BCAS3: variants seen among roughly 807,000 people sequenced by gnomAD.
The protein encoded by BCAS3 is BCAS4/BCAS3 fusion.
Under a neutral mutation model 116.1 loss-of-function variants are expected in BCAS3, and 53 were observed. That is an observed-to-expected ratio of 0.46 (90% CI 0.37 to 0.57). The LOEUF (loss-of-function observed/expected upper bound fraction) is 0.57, where lower values mean the gene tolerates loss of function less well. BCAS3 is among the 20% of genes least tolerant of loss of function. The pLI, the probability that BCAS3 is intolerant of heterozygous loss-of-function variation, is 0.00. For synonymous variants in BCAS3, 391 were observed against 408.2 expected (o/e 0.96, Z 0.51); for missense variants, 917 against 1,165.4 (o/e 0.79, Z 3.10).
chr17:60,767,575 C>T (rs9899389), intron 6 of BCAS3, among the ~76,000 whole-genome samples: 40,070 of 151,656 alleles, frequency 0.26, 11,164 homozygotes, highest in African/African-American at 0.71. Flanking sequence ...TCAAACTCCT[C>T]ACCTCAAGTG....
intron 13 of BCAS3, among the ~76,000 whole-genome samples, chr17:60,937,693 T>A (rs2060007007): frequency 6.6e-6 from 1 of 152,250 alleles, no homozygotes; most frequent in Non-Finnish European, 1.5e-5. Flanking sequence ...TTGTTCTCCA[T>A]GAAATCCTCT....
In BCAS3 at chr17:61,087,228, C is replaced by G; in HGVS notation, c.2425+2664C>G. On this transcript the variant is annotated intron_variant, in intron 22 of 23. Coordinates refer to ENST00000407086, the MANE Select transcript of BCAS3 (RefSeq NM_017679.5). The surrounding 1 kb of genome is among the most constrained non-coding windows in gnomAD (Gnocchi z 4.6). ...TATCTGGAGGTTTCATTGCCTGTTACTTGGAGATACGACCAGTGTGGCACC... is the reference window on the plus strand; with the variant it reads ...TATCTGGAGGTTTCATTGCCTGTTAGTTGGAGATACGACCAGTGTGGCACC... The G allele has an allele frequency of 1.0e-6, 1 of 985,434 alleles. No individual in the cohort carries two copies. Among genetic ancestry groups the G allele is most frequent in the Non-Finnish European group, 1.2e-6 (1 of 829,876 alleles). The allele number at this position is 985,434 out of a possible 1,614,324, so 61.0% of individuals were successfully genotyped here. A position where few individuals can be genotyped will look rare whatever the true frequency, so the allele number is the denominator to read the frequency against.
At chr17:60,796,772 TG>T in intron 6 of BCAS3, among the ~76,000 whole-genome samples, 1 of 152,336 alleles carries the variant, frequency 6.6e-6, no homozygotes, top group South Asian at 2.1e-4. Flanking sequence ...GGTTTGTTCT[TG>T]TTTCTCTAGT....
chr17:61,041,406 A>G lies in BCAS3; in HGVS notation c.2029+514A>G, dbSNP rs2067496175. ...TATATGTTTAAGCGTGAGCATTTGT[A>G]GAGACTGAACCAAGTTCATTGACCT... On this transcript the variant is annotated intron_variant, in intron 19 of 23. Coordinates refer to ENST00000407086, the MANE Select transcript of BCAS3 (RefSeq NM_017679.5). The surrounding 1 kb of genome is among the most constrained non-coding windows in gnomAD (Gnocchi z 4.7). Among the ~76,000 whole-genome samples the G allele has an allele frequency of 6.6e-6, 1 of 152,152 alleles. No homozygotes were observed. The highest frequency in any genetic ancestry group is 6.5e-5 in the Admixed American group (1 of 15,272).
In BCAS3 at chr17:60,782,640, C is replaced by T. The variant is rs2144496849; in HGVS notation, c.404-25364C>T. Among the ~76,000 whole-genome samples, 3 of 151,182 alleles carry T rather than the reference C, an allele frequency of 2.0e-5. No homozygotes were observed. In the East Asian group the frequency reaches 5.8e-4, roughly 29 times the overall value. ...CTTGCTCTGTCGCCAGACTGGAGTG[C>T]AGTGGTGTGATCTTGGCTCACTGCA... On this transcript the variant is annotated intron_variant, in intron 6 of 23. Transcript: ENST00000407086.
intron 7 of BCAS3, among the ~76,000 whole-genome samples, chr17:60,833,928 T>C (rs2051156565): frequency 6.6e-6 from 1 of 152,178 alleles, no homozygotes; most frequent in Admixed American, 6.5e-5. Context: ...GTGAAACTAC[T>C]TTTTAAAGCT....
At chr17:61,024,103 G>A (rs879587700) in intron 16 of BCAS3, among the ~76,000 whole-genome samples, 1 of 152,124 alleles carries the variant, frequency 6.6e-6, no homozygotes, top group South Asian at 2.1e-4. Context: ...GAAGTCATAG[G>A]TGAAGACAGC....
In BCAS3 at chr17:61,065,735, T is replaced by C. The variant is rs2070543136; in HGVS notation, c.2030-9185T>C. ...AGAGTAGGAGAAAACAAAAACTGTGTCTGGTCCTGAATCTGAAGAATTCCA... is the reference window on the plus strand; with the variant it reads ...AGAGTAGGAGAAAACAAAAACTGTGCCTGGTCCTGAATCTGAAGAATTCCA... On this transcript the variant is annotated intron_variant, in intron 19 of 23. Coordinates refer to ENST00000407086, the MANE Select transcript of BCAS3 (RefSeq NM_017679.5). This position sits in a 1 kb window ranked among gnomAD's most constrained non-coding sequence, Gnocchi z 4.8. Among the ~76,000 whole-genome samples, 1 of 152,176 alleles carries C rather than the reference T, an allele frequency of 6.6e-6. No individual in the cohort carries two copies. The highest frequency in any genetic ancestry group is 2.4e-5 in the African/African-American group (1 of 41,448).
At chr17:61,357,327 G>A (rs927987906) in intron 22 of BCAS3, among the ~76,000 whole-genome samples, 16 of 149,770 alleles carry the variant, frequency 1.1e-4, no homozygotes, top group African/African-American at 3.9e-4. Context: ...TCAGCTACTT[G>A]GGAGAGGAGG....
intron 22 of BCAS3, among the ~76,000 whole-genome samples, chr17:61,253,726 G>A (rs1355341716): frequency 6.6e-6 from 1 of 151,696 alleles, no homozygotes; most frequent in Non-Finnish European, 1.5e-5. Flanking sequence ...GAACAGAGGT[G>A]CAGAGGTGGA....
chr17:60,845,092 C>T (rs1010824791), intron 7 of BCAS3, among the ~76,000 whole-genome samples: 7 of 152,052 alleles, frequency 4.6e-5, no homozygotes, highest in East Asian at 1.9e-4. Flanking sequence ...TAGATGGGCC[C>T]GGTGGCGCAT....
intron 22 of BCAS3, among the ~76,000 whole-genome samples, chr17:61,167,437 C>G (rs2078575554): frequency 6.6e-6 from 1 of 152,178 alleles, no homozygotes; most frequent in Non-Finnish European, 1.5e-5. Flanking sequence ...CTACCAGTCT[C>G]TCACCTGAAC....
At position 60,956,184 on chromosome 17, in the gene BCAS3, A is replaced by G. The variant is rs555622174; in HGVS notation, c.1221+8832A>G. Reference sequence around the variant, plus strand: ...CAATAATTACTTATTATAGTGCACAAAATGTCCCACATTTGGCCAGTGGGA... The same window carrying G: ...CAATAATTACTTATTATAGTGCACAGAATGTCCCACATTTGGCCAGTGGGA... On this transcript the variant is annotated intron_variant, in intron 14 of 23. Transcript: ENST00000407086. This position sits in a 1 kb window ranked among gnomAD's most constrained non-coding sequence, Gnocchi z 4.2. 1.6e-4 allele frequency among the ~76,000 whole-genome samples: 24 copies of G among 152,348 alleles called. No individual in the cohort carries two copies. The highest frequency in any genetic ancestry group is 3.2e-4 in the Non-Finnish European group (22 of 68,040).
intron 23 of BCAS3, among the ~76,000 whole-genome samples, chr17:61,384,101 C>A (rs2059733040): frequency 6.6e-6 from 1 of 152,208 alleles, no homozygotes; most frequent in Admixed American, 6.5e-5. Flanking sequence ...CTCCTCCAGG[C>A]CCCCCATTGG....
intron 22 of BCAS3, among the ~76,000 whole-genome samples, chr17:61,143,530 C>A (rs2077035700): frequency 6.6e-6 from 1 of 152,164 alleles, no homozygotes. Flanking sequence ...TATAAGTGGG[C>A]CAGGCATGGT....
At chr17:60,730,692 G>A (rs78255793) in intron 5 of BCAS3, among the ~76,000 whole-genome samples, 4,832 of 152,166 alleles carry the variant, frequency 0.032, 240 homozygotes, top group African/African-American at 0.11. Flanking sequence ...AAATTGTGGA[G>A]GCAGAGCTGT....
intron 22 of BCAS3, among the ~76,000 whole-genome samples, chr17:61,341,303 T>A (rs1177980954): frequency 6.6e-6 from 1 of 152,024 alleles, no homozygotes; most frequent in Non-Finnish European, 1.5e-5. Flanking sequence ...GTCTAAGGGA[T>A]GAGAGAGAGA....
intron 12 of BCAS3, among the ~76,000 whole-genome samples, chr17:60,913,664 C>T (rs7214227): frequency 0.31 from 47,170 of 151,930 alleles, 12,402 homozygotes; most frequent in African/African-American, 0.72. Flanking sequence ...AGATTGTATA[C>T]GAAAAGCTGA....
chr17:60,831,130 G>T (rs2050881848), intron 7 of BCAS3, among the ~76,000 whole-genome samples: 1 of 151,880 alleles, frequency 6.6e-6, no homozygotes, highest in Admixed American at 6.6e-5. Context: ...GTGATTACAG[G>T]CATGAGCCAC....
Sources: allele counts gnomAD v4.1 joint callset (sites outside exome capture counted in the v4.1 genomes callset), GRCh38; gene constraint gnomAD v4.1.1; non-coding constraint Gnocchi (gnomAD v3.1); transcripts MANE v1.5; gene names NCBI Gene and HGNC (gene_info 2026-07-23, HGNC 2026-07-21).